Variants in LRRC27 observed in about 807,000 individuals in gnomAD.
The protein encoded by LRRC27 is leucine rich repeat containing 27, also known as leucine-rich repeat-containing protein 27.
A neutral mutation model predicts 55.0 loss-of-function variants in LRRC27; 57 were observed. The observed-to-expected ratio is 1.04, with a 90% CI of 0.84 to 1.29. The LOEUF is 1.29. Ranked by LOEUF, LRRC27 falls within the 50% of genes most tolerant of loss-of-function variation. The pLI, the probability that LRRC27 is intolerant of heterozygous loss-of-function variation, is 0.00. For missense variants in LRRC27, 721 were observed against 651.5 expected, an observed-to-expected ratio of 1.11 and a Z score of -1.16; for synonymous variants, 278 against 251.9, an observed-to-expected ratio of 1.10 and a Z score of -0.98.
intron 5 of LRRC27, among the ~76,000 whole-genome samples, chr10:132,346,503 T>C (rs948025002): frequency 5.3e-5 from 8 of 152,234 alleles, no homozygotes; most frequent in African/African-American, 1.9e-4. Context: ...GGTGAAACCC[T>C]GTCTCTACTA....
At chr10:132,364,427 ACGC>A (rs1407595122) in intron 9 of LRRC27, among the ~76,000 whole-genome samples, 9 of 148,026 alleles carry the variant, frequency 6.1e-5, no homozygotes, top group Admixed American at 1.3e-4. Context: ...GCTTACACCC[ACGC>A]TTACATCTAC....
At chr10:132,332,074 C>A (rs1234093088), upstream of LRRC27, 4 of 266,148 alleles carry the variant, frequency 1.5e-5, no homozygotes, top group East Asian at 3.0e-4. Flanking sequence ...CACACCCCCG[C>A]GCGCAGGCGC....
Position 132,376,176 on chromosome 10 carries a change from G to A in LRRC27, c.*934G>A, listed in dbSNP as rs952367279. 1 of 151,994 alleles carries A rather than the reference G, an allele frequency of 6.6e-6. No homozygotes were observed. Among genetic ancestry groups the A allele is most frequent in the Non-Finnish European group, 1.5e-5 (1 of 68,014 alleles). 9.4% of individuals were successfully genotyped at this position (151,994 alleles called of 1,614,324 possible). ...TAATAATGTCCCCTCTTTTATTCTT[G>A]ACCTGGTGTTCTTCATCATTCTTGC... On this transcript the variant is annotated 3_prime_UTR_variant, in exon 11 of 11. Coordinates refer to ENST00000368614, the MANE Select transcript of LRRC27 (RefSeq NM_030626.3).
At chr10:132,335,584 T>TC (rs1215230935) in intron 2 of LRRC27, among the ~76,000 whole-genome samples, 1 of 141,072 alleles carries the variant, frequency 7.1e-6, no homozygotes, top group Non-Finnish European at 1.5e-5. Context: ...ATGGGGGGGG[T>TC]CACAGTCTTC....
Position 132,372,374 on chromosome 10 carries a change from C to A in LRRC27, c.1417-2692C>A, listed in dbSNP as rs1306074909. On this transcript the variant is annotated intron_variant, in intron 10 of 10. Transcript: ENST00000368614. The surrounding 1 kb of genome is among the most constrained non-coding windows in gnomAD (Gnocchi z 4.0). Reference sequence around the variant, plus strand: ...CTGAGGTCAGGAGTTTGAGACCAACCTGGCCAACCTGGTGAAACCCCGTCT... The same window carrying A: ...CTGAGGTCAGGAGTTTGAGACCAACATGGCCAACCTGGTGAAACCCCGTCT... 6.6e-6 allele frequency among the ~76,000 whole-genome samples: 1 copy of A among 152,246 alleles called. No homozygotes were observed. The highest frequency in any genetic ancestry group is 1.5e-5 in the Non-Finnish European group (1 of 68,048).
chr10:132,364,513 A>ACGCCCACAATTACACC (rs2068886370), intron 9 of LRRC27, among the ~76,000 whole-genome samples: 2 of 1,130 alleles, frequency 1.8e-3, no homozygotes, highest in Non-Finnish European at 2.0e-3. Context: ...ATCTACCTCC[A>ACGCCCACAATTACACC]CACTCGCACT....
At chr10:132,330,313 T>A, upstream of LRRC27, 1 of 639,924 alleles carries the variant, frequency 1.6e-6, no homozygotes, top group African/African-American at 1.8e-5. Context: ...GTTTTATTTG[T>A]GAAAAGAGAT....
upstream of LRRC27, among the ~76,000 whole-genome samples, chr10:132,330,693 T>A (rs7086152): frequency 0.37 from 53,389 of 144,406 alleles, 10,065 homozygotes; most frequent in Non-Finnish European, 0.4. Flanking sequence ...TTTTTTTTTT[T>A]AATTTTTGTA....
intron 8 of LRRC27, among the ~76,000 whole-genome samples, chr10:132,359,975 A>T (rs1329239117): frequency 2.0e-5 from 3 of 152,176 alleles, no homozygotes; most frequent in Non-Finnish European, 4.4e-5. Context: ...TGTTCGAAAA[A>T]GTCTTCCTTC....
At chr10:132,354,512 G>A (rs2068219437) in intron 7 of LRRC27, among the ~76,000 whole-genome samples, 1 of 152,190 alleles carries the variant, frequency 6.6e-6, no homozygotes, top group South Asian at 2.1e-4. Flanking sequence ...GGGGCTGGGG[G>A]CTGGGACACA....
intron 9 of LRRC27, among the ~76,000 whole-genome samples, chr10:132,364,157 C>G (rs1480451955): frequency 6.6e-6 from 1 of 151,980 alleles, no homozygotes; most frequent in Non-Finnish European, 1.5e-5. Context: ...TGTAGAACTC[C>G]AGAGGACATC....
rs1412231224 is a variant in LRRC27 at position 132,364,430 on chromosome 10, CTT to C, written c.1290-993_1290-992del. Among the ~76,000 whole-genome samples, 9 of 149,818 alleles carry C rather than the reference CTT, an allele frequency of 6.0e-5. 1 individual carries two copies. The highest frequency in any genetic ancestry group is 1.5e-4 in the African/African-American group (6 of 40,508). On this transcript the variant is annotated intron_variant, in intron 9 of 10. Transcript: ENST00000368614. ...CTCCACACCCGCGCTTACACCCACGCTTACATCTACCTCCACACCCACACTCA... is the reference window on the plus strand; with the variant it reads ...CTCCACACCCGCGCTTACACCCACGCACATCTACCTCCACACCCACACTCA...
At chr10:132,364,313 A>C (rs2068802721) in intron 9 of LRRC27, among the ~76,000 whole-genome samples, 2 of 76,784 alleles carry the variant, frequency 2.6e-5, no homozygotes, top group Non-Finnish European at 6.1e-5. Context: ...CCGCACCAAC[A>C]CCCACACCAC....
intron 10 of LRRC27, among the ~76,000 whole-genome samples, chr10:132,370,367 C>CT (rs1287462004): frequency 1.3e-5 from 2 of 152,224 alleles, no homozygotes; most frequent in African/African-American, 4.8e-5. Flanking sequence ...TAAACACCCG[C>CT]TAACTTCCCA....
upstream of LRRC27, chr10:132,331,685 G>C (rs750239393): frequency 1.2e-6 from 2 of 1,612,740 alleles, no homozygotes; most frequent in Non-Finnish European, 8.5e-7. Flanking sequence ...GGCTGTCCTC[G>C]AGCAGCCCCG....
chr10:132,354,551 C>A (rs1459661103), intron 7 of LRRC27, among the ~76,000 whole-genome samples: 1 of 152,184 alleles, frequency 6.6e-6, no homozygotes, highest in Non-Finnish European at 1.5e-5. Flanking sequence ...CACAGCCTCA[C>A]CTGAGGCAGC....
chr10:132,340,264 T>G (rs985595612), intron 3 of LRRC27, among the ~76,000 whole-genome samples: 4 of 152,220 alleles, frequency 2.6e-5, no homozygotes, highest in Non-Finnish European at 5.9e-5. Context: ...CAATTTATCG[T>G]TTAAAGTGTG....
At chr10:132,331,463 C>T, upstream of LRRC27, 1 of 1,612,454 alleles carries the variant, frequency 6.2e-7, no homozygotes, top group Non-Finnish European at 8.5e-7. Context: ...CTCACTCCTC[C>T]GTCCAGAGGC....
chr10:132,331,031 T>C (rs2066688446), upstream of LRRC27, among the ~76,000 whole-genome samples: 1 of 149,778 alleles, frequency 6.7e-6, no homozygotes, highest in African/African-American at 2.5e-5. Context: ...TGAAACCCCG[T>C]CTCTACTAAA....
Sources: gnomAD v4.1 joint callset for allele counts (sites outside exome capture counted in the v4.1 genomes callset) on GRCh38, gnomAD v4.1.1 for gene constraint, Gnocchi (gnomAD v3.1) non-coding constraint, MANE v1.5 for transcripts, NCBI Gene and HGNC (gene_info 2026-07-23, HGNC 2026-07-21) for gene names.